The following YEATS4 variants were observed in gnomAD, a reference collection of about 807,000 sequenced individuals.
YEATS4 encodes YEATS domain-containing protein 4.
YEATS4 carries 17 observed loss-of-function variants against 30.1 expected under a neutral mutation model. That is an observed-to-expected ratio of 0.56 (90% CI 0.39 to 0.85). The LOEUF (loss-of-function observed/expected upper bound fraction) is 0.85. Ranked by LOEUF, YEATS4 falls within the 40% of genes least tolerant of loss-of-function variation. The pLI is 0.00. For missense variants in YEATS4, 142 were observed against 268.3 expected (o/e 0.53, Z 3.29); for synonymous variants, 85 against 87.5 (o/e 0.97, Z 0.16).
At chr12:69,370,654 T>G in intron 4 of YEATS4, 52 bp from the exon 5 acceptor site, 1 of 1,418,896 alleles carries the variant, frequency 7.0e-7, no homozygotes, top group South Asian at 1.5e-5. Context: ...TGCCAGTATC[T>G]TATGATGATA....
chr12:69,400,205 A>G, the YEATS4 span, among the ~76,000 whole-genome samples: 1 of 152,126 alleles, frequency 6.6e-6, no homozygotes, highest in Admixed American at 6.6e-5. Flanking sequence ...CAGTGAGTAC[A>G]TCTCTTATCC....
the YEATS4 span, among the ~76,000 whole-genome samples, chr12:69,404,778 C>T: frequency 1.3e-5 from 2 of 152,190 alleles, no homozygotes; most frequent in African/African-American, 4.8e-5. Flanking sequence ...GAACTGCAAC[C>T]CTCCACTCAC....
downstream of YEATS4, among the ~76,000 whole-genome samples, chr12:69,392,227 A>G (rs1868321387): frequency 2.0e-5 from 3 of 152,212 alleles, no homozygotes; most frequent in Admixed American, 2.0e-4. Flanking sequence ...TTTAAACAAA[A>G]TACCCAAAAA....
At chr12:69,376,744 C>A (rs1679403555) in intron 6 of YEATS4, among the ~76,000 whole-genome samples, 1 of 152,158 alleles carries the variant, frequency 6.6e-6, no homozygotes, top group African/African-American at 2.4e-5. Context: ...GTATTATTTT[C>A]TCAATTTTTT....
At chr12:69,412,011 G>A in the YEATS4 span, among the ~76,000 whole-genome samples, 27 of 152,216 alleles carry the variant, frequency 1.8e-4, no homozygotes, top group Non-Finnish European at 3.4e-4. Flanking sequence ...TTGGAAAAGA[G>A]CCCTCTGGCT....
the YEATS4 span, among the ~76,000 whole-genome samples, chr12:69,403,553 G>C: frequency 1.3e-5 from 2 of 149,830 alleles, no homozygotes; most frequent in Non-Finnish European, 3.0e-5. Flanking sequence ...CTCCAGCCTA[G>C]GCAACAGAGC....
intron 2 of YEATS4, among the ~76,000 whole-genome samples, chr12:69,363,431 T>C (rs980301368): frequency 3.9e-5 from 6 of 152,252 alleles, no homozygotes; most frequent in Non-Finnish European, 7.3e-5. Context: ...AAATGTTTCC[T>C]AATTAAAATT....
At chr12:69,368,042 A>G (rs1465438076) in intron 4 of YEATS4, among the ~76,000 whole-genome samples, 1 of 152,232 alleles carries the variant, frequency 6.6e-6, no homozygotes, top group Non-Finnish European at 1.5e-5. Context: ...TTGCACTGCT[A>G]TAGTGATTAA....
chr12:69,393,640 T>C (rs1565684729), downstream of YEATS4, among the ~76,000 whole-genome samples: 1 of 151,962 alleles, frequency 6.6e-6, no homozygotes. Context: ...CCAGAAATCA[T>C]AAAGTTTTGG....
At chr12:69,375,732 C>T (rs1875844563) in intron 6 of YEATS4, among the ~76,000 whole-genome samples, 1 of 152,070 alleles carries the variant, frequency 6.6e-6, no homozygotes, top group South Asian at 2.1e-4. Context: ...GAAACCCCGT[C>T]TCCACCAAAA....
the YEATS4 span, among the ~76,000 whole-genome samples, chr12:69,418,837 T>G: frequency 6.6e-6 from 1 of 151,942 alleles, no homozygotes; most frequent in African/African-American, 2.4e-5. Flanking sequence ...TAGTCCTAAT[T>G]TCTTGGGGGG....
At chr12:69,385,491 C>T (rs1876239594) in intron 6 of YEATS4, among the ~76,000 whole-genome samples, 1 of 152,050 alleles carries the variant, frequency 6.6e-6, no homozygotes, top group African/African-American at 2.4e-5. Context: ...TGAGTCTGTA[C>T]ATGTATAAAC....
chr12:69,386,199 C>T (rs193075908), intron 6 of YEATS4, among the ~76,000 whole-genome samples: 1 of 152,316 alleles, frequency 6.6e-6, no homozygotes, highest in East Asian at 1.9e-4. Flanking sequence ...TAACTCATGT[C>T]TTCTTCCAAA....
At chr12:69,364,290 G>GA (rs1257870198) in intron 2 of YEATS4, 62 of 305,300 alleles carry the variant, frequency 2.0e-4, no homozygotes, top group South Asian at 3.0e-4. Context: ...CATCTCTACA[G>GA]AAAAAAAAGG....
chr12:69,416,743 A>G, the YEATS4 span, among the ~76,000 whole-genome samples: 2 of 152,208 alleles, frequency 1.3e-5, no homozygotes. Context: ...TAATTTTAAC[A>G]ATAAGAATTT....
chr12:69,404,913 G>A, the YEATS4 span, among the ~76,000 whole-genome samples: 1 of 152,184 alleles, frequency 6.6e-6, no homozygotes, highest in African/African-American at 2.4e-5. Flanking sequence ...TTCAGCTACT[G>A]CTAATTCTTG....
chr12:69,383,036 G>C (rs914581749), intron 6 of YEATS4, among the ~76,000 whole-genome samples: 1 of 152,118 alleles, frequency 6.6e-6, no homozygotes, highest in South Asian at 2.1e-4. Flanking sequence ...TAGCATGGGA[G>C]GATTGCCTGA....
intron 2 of YEATS4, among the ~76,000 whole-genome samples, chr12:69,363,214 C>G (rs1875299980): frequency 6.6e-6 from 1 of 151,718 alleles, no homozygotes; most frequent in Non-Finnish European, 1.5e-5. Flanking sequence ...AGGATGGTCT[C>G]AATCTCCTGA....
chr12:69,422,642 A>AAAAAG, the YEATS4 span: 1 of 152,370 alleles, frequency 6.6e-6, no homozygotes, highest in African/African-American at 2.4e-5. Flanking sequence ...AAAAAAAAAA[A>AAAAAG]AAAAAAAAAA....
Sources: gnomAD v4.1 joint callset for allele counts (sites outside exome capture counted in the v4.1 genomes callset) on GRCh38, gnomAD v4.1.1 for gene constraint, MANE v1.5 for transcripts, NCBI Gene and HGNC (gene_info 2026-07-23, HGNC 2026-07-21) for gene names.